The following NEGR1 variants were observed in gnomAD, a reference collection of about 807,000 sequenced individuals.
NEGR1 encodes the protein neuronal growth regulator 1, also known as IgLON family member 4.
A neutral mutation model predicts 40.9 loss-of-function variants in NEGR1; 10 were observed. That is an observed-to-expected ratio of 0.24 (90% CI 0.15 to 0.42). The LOEUF is 0.42. NEGR1 is among the 10% of genes least tolerant of loss of function. NEGR1 has a pLI of 1.00. For synonymous variants in NEGR1, 185 were observed against 166.8 expected, an observed-to-expected ratio of 1.11 and a Z score of -0.84; for missense variants, 352 against 438.9, an observed-to-expected ratio of 0.80 and a Z score of 1.77.
chr1:71,598,206 G>A (rs1649793691), intron 5 of NEGR1, among the ~76,000 whole-genome samples: 1 of 152,132 alleles, frequency 6.6e-6, no homozygotes, highest in South Asian at 2.1e-4. Flanking sequence ...AAATCGCTAA[G>A]TAGAAACCAG....
At chr1:71,867,870 C>G (rs951811063) in intron 2 of NEGR1, among the ~76,000 whole-genome samples, 5 of 152,208 alleles carry the variant, frequency 3.3e-5, no homozygotes, top group African/African-American at 9.6e-5. Flanking sequence ...CTTAGCAACA[C>G]TGTTCAAATT....
chr1:71,472,743 A>C (rs1337498655), intron 6 of NEGR1: 2 of 152,138 alleles, frequency 1.3e-5, no homozygotes, highest in Non-Finnish European at 2.9e-5. Flanking sequence ...GAGTATGTTT[A>C]TATTCTCTCA....
At chr1:72,127,204 C>T (rs777566124) in intron 1 of NEGR1, among the ~76,000 whole-genome samples, 22 of 152,042 alleles carry the variant, frequency 1.4e-4, no homozygotes, top group Non-Finnish European at 1.3e-4. Flanking sequence ...CTGTAATCCG[C>T]CCGTAATCCC....
At chr1:72,239,538 A>G (rs1654666914) in intron 1 of NEGR1, among the ~76,000 whole-genome samples, 1 of 119,154 alleles carries the variant, frequency 8.4e-6, no homozygotes, top group Non-Finnish European at 1.9e-5. Flanking sequence ...TGTTTGGGGT[A>G]GTGACATAAT....
chr1:71,755,059 G>T (rs977918783), intron 3 of NEGR1, among the ~76,000 whole-genome samples: 1 of 152,166 alleles, frequency 6.6e-6, no homozygotes, highest in Non-Finnish European at 1.5e-5. Context: ...TTTCACTTGA[G>T]TGTCTAACAT....
chr1:71,678,885 C>T (rs1361232081), intron 4 of NEGR1, among the ~76,000 whole-genome samples: 1 of 152,072 alleles, frequency 6.6e-6, no homozygotes, highest in Non-Finnish European at 1.5e-5. Flanking sequence ...GTTTCAAAGG[C>T]AGCCGAGCAA....
At chr1:71,556,610 G>A (rs544192667) in intron 6 of NEGR1, among the ~76,000 whole-genome samples, 1 of 150,104 alleles carries the variant, frequency 6.7e-6, no homozygotes, top group Non-Finnish European at 1.5e-5. Flanking sequence ...TTTCAAATGG[G>A]TTTTTATCTA....
At chr1:71,733,251 G>C (rs1654946477) in intron 3 of NEGR1, among the ~76,000 whole-genome samples, 1 of 152,126 alleles carries the variant, frequency 6.6e-6, no homozygotes, top group Non-Finnish European at 1.5e-5. Context: ...TTTGGAGAAA[G>C]AAATATTGTC....
intron 6 of NEGR1, among the ~76,000 whole-genome samples, chr1:71,549,719 T>C (rs1021575861): frequency 3.3e-5 from 5 of 151,552 alleles, no homozygotes; most frequent in East Asian, 3.9e-4. Flanking sequence ...CCAGCAGTGA[T>C]TGAAGAGAGG....
intron 3 of NEGR1, among the ~76,000 whole-genome samples, chr1:71,773,944 A>T (rs1656415719): frequency 6.6e-6 from 1 of 152,222 alleles, no homozygotes; most frequent in African/African-American, 2.4e-5. Context: ...GCAAAGCAGG[A>T]GAGTTAAATT....
chr1:71,805,973 A>G (rs547126006), intron 2 of NEGR1, among the ~76,000 whole-genome samples: 31 of 152,360 alleles, frequency 2.0e-4, no homozygotes, highest in African/African-American at 7.5e-4. Flanking sequence ...CTTAAAATTC[A>G]GTGTGTGCAA....
At chr1:72,168,797 G>A (rs1200228455) in intron 1 of NEGR1, among the ~76,000 whole-genome samples, 1 of 152,122 alleles carries the variant, frequency 6.6e-6, no homozygotes, top group African/African-American at 2.4e-5. Context: ...CTACTCAGGA[G>A]GCTGAGGTGG....
intron 2 of NEGR1, among the ~76,000 whole-genome samples, chr1:71,858,893 A>T (rs1659861147): frequency 2.0e-5 from 3 of 152,036 alleles, no homozygotes; most frequent in Admixed American, 2.0e-4. Context: ...ACCTAAATAT[A>T]GCATTCCCCA....
chr1:72,033,483 C>G (rs1279127795), intron 1 of NEGR1, among the ~76,000 whole-genome samples: 1 of 152,112 alleles, frequency 6.6e-6, no homozygotes, highest in African/African-American at 2.4e-5. Context: ...CTATGTATTT[C>G]CATAAACGAT....
At position 72,087,574 on chromosome 1, in the gene NEGR1, C is replaced by T. The variant is rs1056154703; in HGVS notation, c.177-152263G>A. Among the ~76,000 whole-genome samples the T allele has an allele frequency of 5.9e-5, 9 of 151,670 alleles. No individual in the cohort carries two copies. The East Asian group carries it at 1.7e-3, about 29-fold the overall frequency. On this transcript the variant is annotated intron_variant, in intron 1 of 6. Transcript: ENST00000357731. ...TACAGTGATAGAAACAACAGTATAA[C>T]TCTATAAGAACATATTTGTGTTCTT... is the stretch of plus-strand genomic sequence containing the variant.
chr1:71,559,874 C>T (rs963336750), intron 6 of NEGR1, among the ~76,000 whole-genome samples: 7 of 151,164 alleles, frequency 4.6e-5, no homozygotes, highest in African/African-American at 1.5e-4. Flanking sequence ...AAATGCTATG[C>T]GTATTTCTTG....
intron 1 of NEGR1, among the ~76,000 whole-genome samples, chr1:71,951,775 T>C (rs1177366175): frequency 6.6e-6 from 1 of 151,914 alleles, no homozygotes; most frequent in African/African-American, 2.4e-5. Flanking sequence ...AGCAAGTCTG[T>C]TGGTGTCATT....
intron 1 of NEGR1, among the ~76,000 whole-genome samples, chr1:71,960,225 C>T (rs1646154195): frequency 6.6e-6 from 1 of 152,108 alleles, no homozygotes; most frequent in African/African-American, 2.4e-5. Flanking sequence ...TTGAAGATAT[C>T]TCACATACCT....
intron 1 of NEGR1, among the ~76,000 whole-genome samples, chr1:72,053,532 A>G (rs568508558): frequency 6.6e-6 from 1 of 150,990 alleles, no homozygotes; most frequent in Non-Finnish European, 1.5e-5. Context: ...ATGACCTTTT[A>G]TTTTTTTCAC....
Sources: gnomAD v4.1 joint callset for allele counts (sites outside exome capture counted in the v4.1 genomes callset) on GRCh38, gnomAD v4.1.1 for gene constraint, MANE v1.5 for transcripts, NCBI Gene and HGNC (gene_info 2026-07-23, HGNC 2026-07-21) for gene names.